TRDN: variants seen among roughly 807,000 people sequenced by gnomAD.
The protein encoded by TRDN is triadin.
In TRDN, 161 loss-of-function variants were observed where a neutral mutation model predicts 149.7. The observed-to-expected ratio is 1.08, with a 90% CI of 0.95 to 1.23. TRDN has a LOEUF of 1.23. TRDN is among the 50% of genes most tolerant of loss of function. The pLI is 0.00. For synonymous variants in TRDN, 294 were observed against 250.5 expected (o/e 1.17, Z -1.64); for missense variants, 896 against 823.5 (o/e 1.09, Z -1.08).
intron 23 of TRDN, among the ~76,000 whole-genome samples, chr6:123,322,613 TTTATTATTATTATTA>T (rs139658634): frequency 0.055 from 7,754 of 140,952 alleles, 613 homozygotes; most frequent in African/African-American, 0.18. Flanking sequence ...TTTTTTAAAA[TTTATTATTATTATTA>T]TTATTATTAT....
intron 1 of TRDN, among the ~76,000 whole-genome samples, chr6:123,609,825 A>G (rs1161176931): frequency 6.6e-6 from 1 of 152,174 alleles, no homozygotes; most frequent in Admixed American, 6.6e-5. Context: ...TAGATATATT[A>G]CATTAAAATT....
chr6:123,408,989 G>T (rs1773318686), intron 12 of TRDN, among the ~76,000 whole-genome samples: 1 of 152,076 alleles, frequency 6.6e-6, no homozygotes, highest in Non-Finnish European at 1.5e-5. Context: ...ACATATACCA[G>T]ACTGAAATTC....
chr6:123,443,030 T>G (rs999549077), intron 10 of TRDN, among the ~76,000 whole-genome samples: 1 of 152,094 alleles, frequency 6.6e-6, no homozygotes, highest in Non-Finnish European at 1.5e-5. Flanking sequence ...TTTCACCTGT[T>G]TATTCCTTAT....
intron 1 of TRDN, among the ~76,000 whole-genome samples, chr6:123,574,873 T>C (rs989198012): frequency 2.4e-5 from 3 of 125,858 alleles, no homozygotes; most frequent in African/African-American, 1.0e-4. Flanking sequence ...TATATATATA[T>C]ATATATATAT....
At chr6:123,256,369 A>T (rs1776564220) in intron 35 of TRDN, among the ~76,000 whole-genome samples, 1 of 151,448 alleles carries the variant, frequency 6.6e-6, no homozygotes, top group Admixed American at 6.6e-5. Flanking sequence ...TCCAAGTCTC[A>T]GTCACATGCT....
intron 10 of TRDN, among the ~76,000 whole-genome samples, chr6:123,443,070 T>G (rs532868948): frequency 6.6e-6 from 1 of 152,142 alleles, no homozygotes; most frequent in Non-Finnish European, 1.5e-5. Flanking sequence ...TCATCTTGCA[T>G]TTATTTTCTA....
At chr6:123,235,267 A>C (rs1468627323) in intron 38 of TRDN, among the ~76,000 whole-genome samples, 1 of 152,088 alleles carries the variant, frequency 6.6e-6, no homozygotes, top group Admixed American at 6.6e-5. Flanking sequence ...ATCATCAGCT[A>C]AAGTTATGAG....
chr6:123,438,727 A>G (rs1774721037), intron 11 of TRDN, among the ~76,000 whole-genome samples: 1 of 152,182 alleles, frequency 6.6e-6, no homozygotes, highest in African/African-American at 2.4e-5. Flanking sequence ...TAATCACAGT[A>G]GTAATTTTCA....
chr6:123,634,643 G>T (rs1786197723), intron 1 of TRDN, among the ~76,000 whole-genome samples: 1 of 151,866 alleles, frequency 6.6e-6, no homozygotes, highest in African/African-American at 2.4e-5. Flanking sequence ...TAGTAACAAA[G>T]TGTGAAAAAA....
chr6:123,586,301 C>G (rs559810779), intron 1 of TRDN, among the ~76,000 whole-genome samples: 171 of 151,896 alleles, frequency 1.1e-3, no homozygotes, highest in African/African-American at 2.9e-3. Flanking sequence ...GGGTGGAGGA[C>G]CGGAGGCTGA....
intron 6 of TRDN, among the ~76,000 whole-genome samples, chr6:123,515,824 A>T (rs927164769): frequency 9.2e-5 from 14 of 152,166 alleles, no homozygotes; most frequent in African/African-American, 3.4e-4. Context: ...AATGAGATCT[A>T]CTTTCTTACC....
At chr6:123,512,812 C>T (rs188042579) in intron 6 of TRDN, among the ~76,000 whole-genome samples, 17 of 151,814 alleles carry the variant, frequency 1.1e-4, no homozygotes, top group Middle Eastern at 3.4e-3. Context: ...AATTAAACTA[C>T]GAAAATTAAG....
chr6:123,530,342 GAAATT>G (rs1274104616), intron 5 of TRDN, among the ~76,000 whole-genome samples, 159 bp downstream of exon 5: 25 of 31,424 alleles, frequency 8.0e-4, no homozygotes, highest in Admixed American at 1.5e-3. Context: ...ATTTATAACT[GAAATT>G]AACTGATATA....
At chr6:123,329,244 AC>A (rs1317441687) in intron 23 of TRDN, among the ~76,000 whole-genome samples, 4 of 152,154 alleles carry the variant, frequency 2.6e-5, no homozygotes, top group Admixed American at 2.0e-4. Context: ...TTCTACCTTT[AC>A]TCAAAGAAGA....
At chr6:123,228,655 G>A (rs1400842919) in intron 38 of TRDN, among the ~76,000 whole-genome samples, 1 of 151,854 alleles carries the variant, frequency 6.6e-6, no homozygotes, top group Admixed American at 6.6e-5. Context: ...TGGAAATATA[G>A]TTCAAGATGA....
chr6:123,617,416 A>G (rs1785150646), intron 1 of TRDN, among the ~76,000 whole-genome samples: 1 of 152,192 alleles, frequency 6.6e-6, no homozygotes, highest in Non-Finnish European at 1.5e-5. Context: ...TAGCAATATT[A>G]AGAAGAAATA....
intron 1 of TRDN, among the ~76,000 whole-genome samples, chr6:123,613,266 C>T (rs543619526): frequency 6.6e-6 from 1 of 152,258 alleles, no homozygotes; most frequent in East Asian, 1.9e-4. Context: ...TCCCAACTTA[C>T]ATTAAAACTG....
At chr6:123,489,323 C>A (rs918947693) in intron 9 of TRDN, among the ~76,000 whole-genome samples, 2 of 151,828 alleles carry the variant, frequency 1.3e-5, no homozygotes, top group Non-Finnish European at 2.9e-5. Flanking sequence ...TTCAAAAAAA[C>A]AAAAAACACA....
rs917230486 is a variant in TRDN, at chr6:123,636,909, C to A, written c.-134G>T. ...GGGCTCTTCGTTTTCCTGGCTGTTT[C>A]TGCTGCTTCTTTGTTGTCCTGTTGA... is the stretch of plus-strand genomic sequence containing the variant. On this transcript the variant is annotated 5_prime_UTR_variant, in exon 1 of 41. Coordinates refer to ENST00000334268, the MANE Select transcript of TRDN (RefSeq NM_006073.4). The A allele has an allele frequency of 9.1e-6, 9 of 986,478 alleles. No individual in the cohort carries two copies. Among genetic ancestry groups the A allele is most frequent in the Non-Finnish European group, 1.4e-5 (9 of 637,460 alleles). The allele number at this position is 986,478 out of a possible 1,614,324, so 61.1% of individuals were successfully genotyped here.
Sources: gnomAD v4.1 joint callset for allele counts (sites outside exome capture counted in the v4.1 genomes callset) on GRCh38, gnomAD v4.1.1 for gene constraint, MANE v1.5 for transcripts, NCBI Gene and HGNC (gene_info 2026-07-23, HGNC 2026-07-21) for gene names.